The following KANK1 variants were observed in gnomAD, a reference collection of about 807,000 sequenced individuals.
The protein encoded by KANK1 is KN motif and ankyrin repeat domains 1.
Under a neutral mutation model 106.2 loss-of-function variants are expected in KANK1, and 109 were observed. That is an observed-to-expected ratio of 1.03 (90% CI 0.88 to 1.20). The LOEUF is 1.20. Ranked by LOEUF, KANK1 falls within the 50% of genes most tolerant of loss-of-function variation. KANK1 has a pLI of 0.00. For missense variants in KANK1, 2,399 were observed against 1,710.7 expected, an observed-to-expected ratio of 1.40 and a Z score of -7.10; for synonymous variants, 873 against 652.2, an observed-to-expected ratio of 1.34 and a Z score of -5.16.
chr9:627,141 A>G (rs1455779920), intron 1 of KANK1, among the ~76,000 whole-genome samples: 1 of 152,222 alleles, frequency 6.6e-6, no homozygotes, highest in East Asian at 1.9e-4. Flanking sequence ...ATCTAGAATC[A>G]TGAAATGTAA....
chr9:603,208 C>A (rs907715951), intron 1 of KANK1, among the ~76,000 whole-genome samples: 2 of 151,862 alleles, frequency 1.3e-5, no homozygotes, highest in East Asian at 3.9e-4. Context: ...CTCATCCCAT[C>A]CCTGGGGCAC....
chr9:731,336 C>G, intron 5 of KANK1, 70 bp downstream of exon 5: 1 of 886,638 alleles, frequency 1.1e-6, no homozygotes, highest in South Asian at 1.5e-5. Flanking sequence ...AGTCACATTT[C>G]AAGGCGCCTA....
At chr9:541,724 A>G (rs1333405487) in intron 1 of KANK1, among the ~76,000 whole-genome samples, 2 of 152,232 alleles carry the variant, frequency 1.3e-5, no homozygotes, top group Admixed American at 1.3e-4. Flanking sequence ...CATACATCTG[A>G]TAAGGGGTTA....
chr9:712,362 C>T lies in KANK1; in HGVS notation c.1596C>T (p.Asp532=). The T allele has an allele frequency of 6.2e-7, 1 of 1,614,122 alleles. No individual in the cohort carries two copies. Among genetic ancestry groups the T allele is most frequent in the Non-Finnish European group, 8.5e-7 (1 of 1,180,036 alleles). The change falls in exon 3 of 12, where the codon GAC becomes GAT. Residue 532 remains aspartate, a synonymous_variant. Transcript: ENST00000382297. ...TRDQMVGSHM[D]LVDTCVGTSV... Reference sequence around the variant, plus strand: ...ACCAAATGGTCGGCAGTCACATGGACCTGGTGGACACGTGTGTTGGGACCT... The same window carrying T: ...ACCAAATGGTCGGCAGTCACATGGATCTGGTGGACACGTGTGTTGGGACCT...
chr9:584,323 C>T (rs559399010), intron 1 of KANK1, among the ~76,000 whole-genome samples: 1 of 152,280 alleles, frequency 6.6e-6, no homozygotes, highest in South Asian at 2.1e-4. Context: ...GTTTATGTGT[C>T]ATGCATACAT....
At chr9:671,979 G>C (rs1815258912) in intron 1 of KANK1, among the ~76,000 whole-genome samples, 1 of 152,140 alleles carries the variant, frequency 6.6e-6, no homozygotes, top group East Asian at 1.9e-4. Flanking sequence ...AAAATTCCGA[G>C]ATGCAGCTTT....
At chr9:635,060 T>G (rs892732814) in intron 1 of KANK1, among the ~76,000 whole-genome samples, 26 of 152,174 alleles carry the variant, frequency 1.7e-4, no homozygotes, top group African/African-American at 6.0e-4. Context: ...CACATGGTCC[T>G]TTACAAACCA....
At chr9:639,104 C>G (rs1174996870) in intron 1 of KANK1, among the ~76,000 whole-genome samples, 1 of 152,116 alleles carries the variant, frequency 6.6e-6, no homozygotes. Flanking sequence ...TGCTTTCCCC[C>G]CACACATCTG....
intron 1 of KANK1, among the ~76,000 whole-genome samples, chr9:598,872 T>C (rs2135783132): frequency 6.6e-6 from 1 of 150,532 alleles, no homozygotes; most frequent in Admixed American, 6.6e-5. Flanking sequence ...CCTCAGGTGA[T>C]CCGCCCTCCT....
intron 1 of KANK1, among the ~76,000 whole-genome samples, chr9:538,968 C>T (rs1359039557): frequency 6.6e-6 from 1 of 152,134 alleles, no homozygotes; most frequent in African/African-American, 2.4e-5. Context: ...GCAGCCTCCA[C>T]CTCCTGGGTT....
chr9:629,077 CAAAAA>C (rs34834497), intron 1 of KANK1, among the ~76,000 whole-genome samples: 1 of 132,670 alleles, frequency 7.5e-6, no homozygotes, highest in Non-Finnish European at 1.6e-5. Flanking sequence ...CAACTGTTTC[CAAAAA>C]AAAAAAAAAA....
In KANK1 at chr9:722,831, C is replaced by A. The variant is rs529382670; in HGVS notation, c.2699-7220C>A. On this transcript the variant is annotated intron_variant, in intron 3 of 11. Coordinates refer to ENST00000382297, the MANE Select transcript of KANK1 (RefSeq NM_015158.5). ...AGGCTCTCAATGGTCCCGCACTGTT[C>A]TAAGCACTGGACAGGACACCAAATA... Among the ~76,000 whole-genome samples, 3 of 152,280 alleles carry A rather than the reference C, an allele frequency of 2.0e-5. No individual in the cohort carries two copies. In the East Asian group the frequency reaches 5.8e-4, roughly 29 times the overall value.
chr9:640,888 G>A (rs1838280400), intron 1 of KANK1, among the ~76,000 whole-genome samples: 1 of 151,778 alleles, frequency 6.6e-6, no homozygotes, highest in African/African-American at 2.4e-5. Flanking sequence ...AGTAGAGACA[G>A]GGTTTCACCA....
chr9:566,826 C>A lies in KANK1; in HGVS notation c.-84+62072C>A, dbSNP rs190855542. Among the ~76,000 whole-genome samples, 97 of 152,148 alleles carry A rather than the reference C, an allele frequency of 6.4e-4. No individual in the cohort carries two copies. In the East Asian group the frequency reaches 0.017, roughly 27 times the overall value. ...TGTCTGTTTACTTTGTTGATAGTTTCTTTTGCTGTGCAGAAGCCTTTTAGT... is the reference window on the plus strand; with the variant it reads ...TGTCTGTTTACTTTGTTGATAGTTTATTTTGCTGTGCAGAAGCCTTTTAGT... On this transcript the variant is annotated intron_variant, in intron 1 of 11. Coordinates refer to ENST00000382297, the MANE Select transcript of KANK1 (RefSeq NM_015158.5).
chr9:583,305 C>T (rs1234085346), intron 1 of KANK1, among the ~76,000 whole-genome samples: 2 of 152,108 alleles, frequency 1.3e-5, no homozygotes, highest in African/African-American at 4.8e-5. Flanking sequence ...ATGGAAATGC[C>T]TGCCTAGTAG....
intron 3 of KANK1, among the ~76,000 whole-genome samples, chr9:499,295 T>C (rs148704836): frequency 1.3e-5 from 2 of 152,206 alleles, no homozygotes; most frequent in Non-Finnish European, 2.9e-5. Flanking sequence ...TGAATATTCA[T>C]AGCAGCATTA....
chr9:636,709 T>C (rs112583318), intron 1 of KANK1, among the ~76,000 whole-genome samples: 5 of 152,128 alleles, frequency 3.3e-5, no homozygotes, highest in African/African-American at 9.6e-5. Flanking sequence ...CTACTAAAAA[T>C]ACAAAAAATT....
At chr9:633,685 C>T (rs1191948745) in intron 1 of KANK1, among the ~76,000 whole-genome samples, 1 of 152,116 alleles carries the variant, frequency 6.6e-6, no homozygotes, top group East Asian at 1.9e-4. Flanking sequence ...CAGGGTCTCG[C>T]TTTGTCACCC....
chr9:688,872 G>A (rs1004591750), intron 2 of KANK1, among the ~76,000 whole-genome samples: 1 of 152,140 alleles, frequency 6.6e-6, no homozygotes, highest in Non-Finnish European at 1.5e-5. Flanking sequence ...TGCAACCGTA[G>A]GTAAGAACCT....
Sources: gnomAD v4.1 joint callset for allele counts (sites outside exome capture counted in the v4.1 genomes callset) on GRCh38, gnomAD v4.1.1 for gene constraint, MANE v1.5 for transcripts, NCBI Gene and HGNC (gene_info 2026-07-23, HGNC 2026-07-21) for gene names.